Variants in CSMD1 observed in about 807,000 individuals in gnomAD.
CSMD1 encodes CUB and Sushi multiple domains 1, also known as CUB and sushi domain-containing protein 1.
A neutral mutation model predicts 417.5 loss-of-function variants in CSMD1; 213 were observed. The ratio of observed to expected loss-of-function variants is 0.51; its 90% CI spans 0.46 to 0.57. CSMD1 has a LOEUF of 0.57. CSMD1 is among the 20% of genes least tolerant of loss of function. The probability of loss-of-function intolerance (pLI) is 0.00; values close to 1 mark genes in which losing one functional copy is unlikely to be tolerated. For synonymous variants in CSMD1, 2,862 were observed against 1,736.8 expected (o/e 1.65, Z -16.11); for missense variants, 6,923 against 4,529.7 (o/e 1.53, Z -15.17).
chr8:2,965,832 C>T lies in CSMD1; in HGVS notation c.9223G>A (p.Ala3075Thr), dbSNP rs755172128. 2.9e-5 allele frequency: 47 copies of T among 1,608,892 alleles called. No individual in the cohort carries two copies. The highest frequency in any genetic ancestry group is 6.7e-5 in the South Asian group (6 of 89,858). Residue 3075 changes from alanine to threonine, a missense_variant, in exon 59 of 70, where the codon GCC (alanine) becomes ACC (threonine). By Grantham distance (58) the Ala-to-Thr change is moderately conservative. Transcript: ENST00000635120. ...CCGTCTTTGGTACAGCGAATAGTGG[C>T]GGATGTGACTGCTTCCATGACATAG... ...PGYVMEAVTS[A>T]TIRCTKDGRW...
chr8:3,439,280 A>AGTGTGT (rs1254139859), intron 12 of CSMD1, among the ~76,000 whole-genome samples: 25 of 42,892 alleles, frequency 5.8e-4, no homozygotes, highest in Non-Finnish European at 9.5e-4. Context: ...TGGCAATGTC[A>AGTGTGT]GTATATATAT....
intron 2 of CSMD1, among the ~76,000 whole-genome samples, chr8:4,441,779 G>C (rs771017019): frequency 6.6e-6 from 1 of 151,940 alleles, no homozygotes; most frequent in Admixed American, 6.6e-5. Flanking sequence ...GACTAATCTT[G>C]GGTGTATCAC....
intron 37 of CSMD1, among the ~76,000 whole-genome samples, chr8:3,164,829 G>A (rs538877028): frequency 6.6e-6 from 1 of 152,112 alleles, no homozygotes; most frequent in Admixed American, 6.5e-5. Context: ...TTAAAGGCCA[G>A]TTACTAAACT....
intron 1 of CSMD1, among the ~76,000 whole-genome samples, chr8:4,796,508 T>C (rs1255485919): frequency 6.6e-6 from 1 of 152,002 alleles, no homozygotes; most frequent in African/African-American, 2.4e-5. Context: ...ATGGTCTTTC[T>C]CAATGACCTG....
intron 3 of CSMD1, among the ~76,000 whole-genome samples, chr8:4,169,968 C>T (rs1197721051): frequency 6.6e-6 from 1 of 150,674 alleles, no homozygotes; most frequent in African/African-American, 2.5e-5. Flanking sequence ...TTCCTCCATA[C>T]TGTATCCTTT....
intron 3 of CSMD1, among the ~76,000 whole-genome samples, chr8:4,062,357 T>C (rs1235127167): frequency 6.6e-6 from 1 of 151,998 alleles, no homozygotes; most frequent in Non-Finnish European, 1.5e-5. Context: ...AGAATTTTCA[T>C]TTGACAATGG....
intron 10 of CSMD1, 105 bp downstream of exon 10, chr8:3,574,840 G>A (rs1564573): frequency 0.4 from 525,143 of 1,298,788 alleles, 110,688 homozygotes; most frequent in Non-Finnish European, 0.43. Flanking sequence ...AATTCAAACA[G>A]TAAAGTGTAA....
intron 52 of CSMD1, among the ~76,000 whole-genome samples, chr8:3,007,173 A>G (rs1485576905): frequency 2.0e-5 from 3 of 150,086 alleles, no homozygotes; most frequent in Admixed American, 6.6e-5. Context: ...ACATGAAAAA[A>G]TGCTCATCAT....
At chr8:4,527,337 C>T (rs62479746) in intron 2 of CSMD1, among the ~76,000 whole-genome samples, 8 of 152,034 alleles carry the variant, frequency 5.3e-5, no homozygotes, top group Admixed American at 2.0e-4. Context: ...CTGCCCTTTA[C>T]CCAAAAAACA....
chr8:3,303,376 A>C (rs1264656493), intron 25 of CSMD1, among the ~76,000 whole-genome samples: 1 of 152,234 alleles, frequency 6.6e-6, no homozygotes, highest in East Asian at 1.9e-4. Flanking sequence ...CACTAGAAAG[A>C]AAATCCAGGT....
intron 3 of CSMD1, among the ~76,000 whole-genome samples, chr8:4,169,164 G>A (rs184432302): frequency 5.8e-4 from 88 of 152,234 alleles, no homozygotes; most frequent in African/African-American, 2.0e-3. Flanking sequence ...TGTAAACACC[G>A]TCTCTACGGT....
chr8:3,180,462 T>G (rs1428216194), intron 37 of CSMD1, among the ~76,000 whole-genome samples: 1 of 152,210 alleles, frequency 6.6e-6, no homozygotes, highest in Non-Finnish European at 1.5e-5. Flanking sequence ...TTCTGGGGAA[T>G]GCTAATATGA....
At chr8:3,878,007 T>A (rs141816913) in intron 5 of CSMD1, among the ~76,000 whole-genome samples, 111 of 152,168 alleles carry the variant, frequency 7.3e-4, no homozygotes, top group Non-Finnish European at 1.3e-3. Flanking sequence ...ATGATAAAAC[T>A]TTCCAAAGAT....
Position 4,758,734 on chromosome 8 carries a change from C to G in CSMD1, c.86-121176G>C, listed in dbSNP as rs113829656. On this transcript the variant is annotated intron_variant, in intron 1 of 69. Transcript: ENST00000635120. ...AAGAGAGTAAAAAGCCCAGGGGAAA[C>G]TGCCATTAATGAAACCACCAGATCT... is the stretch of plus-strand genomic sequence containing the variant. Among the ~76,000 whole-genome samples the G allele has an allele frequency of 3.6e-3, 547 of 152,246 alleles. 8 individuals carry two copies. Among genetic ancestry groups the G allele is most frequent in the African/African-American group, 0.013 (526 of 41,554 alleles).
At chr8:3,671,891 C>G (rs1257249713) in intron 7 of CSMD1, among the ~76,000 whole-genome samples, 1 of 152,070 alleles carries the variant, frequency 6.6e-6, no homozygotes, top group Admixed American at 6.6e-5. Context: ...GGGGCACCCA[C>G]CCTCATTTCC....
intron 10 of CSMD1, among the ~76,000 whole-genome samples, chr8:3,563,396 T>G (rs11985251): frequency 0.38 from 49,872 of 132,596 alleles, 8,979 homozygotes; most frequent in Middle Eastern, 0.48. Context: ...TGAGAAAAAT[T>G]GTAAAAAAAA....
At chr8:4,425,718 A>C (rs528549278) in intron 2 of CSMD1, among the ~76,000 whole-genome samples, 4 of 152,312 alleles carry the variant, frequency 2.6e-5, no homozygotes, top group East Asian at 3.9e-4. Flanking sequence ...GTAAATTACG[A>C]AACATTTTGA....
intron 8 of CSMD1, among the ~76,000 whole-genome samples, chr8:3,589,673 G>A (rs771239353): frequency 5.3e-5 from 8 of 151,982 alleles, no homozygotes; most frequent in East Asian, 1.9e-4. Context: ...AAGCTCAGGA[G>A]ATCTACTACA....
intron 1 of CSMD1, among the ~76,000 whole-genome samples, chr8:4,963,604 C>T (rs898478968): frequency 2.0e-5 from 3 of 152,160 alleles, no homozygotes; most frequent in Admixed American, 6.6e-5. Context: ...TTATTGCTAT[C>T]ATTTATTTCC....
Sources: allele counts gnomAD v4.1 joint callset (sites outside exome capture counted in the v4.1 genomes callset), GRCh38; gene constraint gnomAD v4.1.1; transcripts MANE v1.5; gene names NCBI Gene and HGNC (gene_info 2026-07-23, HGNC 2026-07-21).